RRAGD: variants seen among roughly 807,000 people sequenced by gnomAD.
The protein encoded by RRAGD is Ras related GTP binding D, also known as ras-related GTP-binding protein D.
RRAGD carries 12 observed loss-of-function variants against 35.5 expected under a neutral mutation model. The ratio of observed to expected loss-of-function variants is 0.34; its 90% confidence interval spans 0.22 to 0.55. The LOEUF is 0.55. Among genes scored for constraint, RRAGD ranks in the 20% least tolerant of loss-of-function variants. The pLI is 0.91. For missense variants in RRAGD, 324 were observed against 490.1 expected (o/e 0.66, Z 3.20); for synonymous variants, 155 against 178.9 (o/e 0.87, Z 1.07).
intron 1 of RRAGD, among the ~76,000 whole-genome samples, chr6:89,403,396 G>C (rs1404614545): frequency 6.6e-6 from 1 of 151,772 alleles, no homozygotes; most frequent in Non-Finnish European, 1.5e-5. Context: ...AGTGAGCAGA[G>C]ATCGCGCCAC....
Position 89,369,134 on chromosome 6 carries a change from G to A in RRAGD, c.1052-927C>T, listed in dbSNP as rs187569246. Among the ~76,000 whole-genome samples, 293 of 151,510 alleles carry A rather than the reference G, an allele frequency of 1.9e-3. 3 individuals are homozygous for A. Among genetic ancestry groups the A allele is most frequent in the African/African-American group, 7.0e-3 (288 of 41,430 alleles). ...CAACTAACTGCAAGGGGAGGGCGGG[G>A]AGGGCACCGTCTCGGTTTCCAGGAG... On this transcript the variant is annotated intron_variant, in intron 6 of 6. Coordinates refer to ENST00000369415, the MANE Select transcript of RRAGD (RefSeq NM_021244.5).
At chr6:89,395,863 A>G (rs1005394398) in intron 1 of RRAGD, among the ~76,000 whole-genome samples, 2 of 152,164 alleles carry the variant, frequency 1.3e-5, no homozygotes, top group African/African-American at 4.8e-5. Flanking sequence ...ATAAACCCAC[A>G]CTTACATAGA....
chr6:89,379,112 C>A, intron 4 of RRAGD, 112 bp downstream of exon 4: 1 of 560,152 alleles, frequency 1.8e-6, no homozygotes, highest in South Asian at 2.4e-5. Context: ...AAAAGTAATA[C>A]TTAAATGACC....
At chr6:89,395,498 C>G (rs961122414) in intron 1 of RRAGD, among the ~76,000 whole-genome samples, 1 of 152,224 alleles carries the variant, frequency 6.6e-6, no homozygotes, top group Non-Finnish European at 1.5e-5. Context: ...AAAGAGACAA[C>G]TGACATGCTG....
At position 89,411,995 on chromosome 6, in the gene RRAGD, G is replaced by T. The variant is rs1355813358; in HGVS notation, c.-2C>A. ...CGGCTTCCCCAGCACCTGGCTCATCGTGCCCACCGGCCGGCCGGCCCGGGG... is the reference window on the plus strand; with the variant it reads ...CGGCTTCCCCAGCACCTGGCTCATCTTGCCCACCGGCCGGCCGGCCCGGGG... On this transcript the variant is annotated 5_prime_UTR_variant, in exon 1 of 7. Coordinates refer to ENST00000369415, the MANE Select transcript of RRAGD (RefSeq NM_021244.5). The surrounding 1 kb of genome is among the most constrained non-coding windows in gnomAD (Gnocchi z 5.6). 2 of 1,527,504 alleles carry T rather than the reference G, an allele frequency of 1.3e-6. No individual in the cohort carries two copies. Among genetic ancestry groups the T allele is most frequent in the Admixed American group, 2.0e-5 (1 of 50,352 alleles). The allele number at this position is 1,527,504 out of a possible 1,614,324, so 94.6% of individuals were successfully genotyped here. A position where few individuals can be genotyped will look rare whatever the true frequency, so the allele number is the denominator to read the frequency against.
At position 89,368,154 on chromosome 6, in the gene RRAGD, C is replaced by G. The variant is rs149779312; in HGVS notation, c.1105G>C (p.Glu369Gln). 482 of 1,613,958 alleles carry G rather than the reference C, an allele frequency of 3.0e-4. No homozygotes were observed. The African/African-American group carries it at 5.9e-3, about 20-fold the overall frequency. Residue 369 changes from glutamate (E) to glutamine (Q), a missense_variant, in exon 7 of 7, where the codon GAG becomes CAG. Glu to Gln is a conservative substitution (Grantham distance 29). This residue lies in a region of RRAGD where 68 missense variants were observed against 76.8 expected (regional missense o/e 0.89). Transcript: ENST00000369415. ...CFRKAIHEVF[E>Q]VRMKVVKSRK... is the part of the protein sequence containing the mutation. ...GATTTTACTACTTTCATTCTCACCT[C>G]AAAAACTTCATGAATGGCCTTCCGG...
intron 1 of RRAGD, among the ~76,000 whole-genome samples, chr6:89,398,732 C>T (rs1769389378): frequency 6.6e-6 from 1 of 152,216 alleles, no homozygotes; most frequent in African/African-American, 2.4e-5. Context: ...CATGCTCCTT[C>T]AAGAATAGAT....
chr6:89,388,207 G>A (rs902755414), intron 1 of RRAGD, among the ~76,000 whole-genome samples: 1 of 152,156 alleles, frequency 6.6e-6, no homozygotes, highest in African/African-American at 2.4e-5. Flanking sequence ...CATCCAGTAA[G>A]GTAGCTACTA....
At chr6:89,377,592 G>A (rs1204879976) in intron 5 of RRAGD, 79 bp downstream of exon 5, 8 of 1,284,012 alleles carry the variant, frequency 6.2e-6, no homozygotes, top group Non-Finnish European at 8.3e-6. Context: ...AGTTAAGTAA[G>A]TAAATGTAAA....
chr6:89,384,975 G>C (rs1383678242), intron 2 of RRAGD, among the ~76,000 whole-genome samples: 1 of 151,968 alleles, frequency 6.6e-6, no homozygotes, highest in African/African-American at 2.4e-5. Flanking sequence ...GATCACTTGA[G>C]CCCAGGACTT....
At chr6:89,387,611 G>A (rs1769158710) in intron 1 of RRAGD, 21 bp from the exon 2 acceptor site, 1 of 1,596,432 alleles carries the variant, frequency 6.3e-7, no homozygotes, top group South Asian at 1.1e-5. Context: ...CACAAAATGA[G>A]AATGAAGGTG....
At chr6:89,380,775 C>T (rs1462019096) in intron 2 of RRAGD, among the ~76,000 whole-genome samples, 6 of 152,030 alleles carry the variant, frequency 3.9e-5, no homozygotes, top group Admixed American at 2.6e-4. Context: ...GGCGTGGTGG[C>T]ATGCGCCTGT....
At chr6:89,375,713 C>G (rs1478954210) in intron 5 of RRAGD, among the ~76,000 whole-genome samples, 1 of 152,204 alleles carries the variant, frequency 6.6e-6, no homozygotes, top group Non-Finnish European at 1.5e-5. Flanking sequence ...TGTTGCTGCT[C>G]CAGCAAACAA....
chr6:89,390,854 C>A (rs916476845), intron 1 of RRAGD, among the ~76,000 whole-genome samples: 3 of 151,954 alleles, frequency 2.0e-5, no homozygotes, highest in Admixed American at 1.3e-4. Context: ...ACTGAGATGG[C>A]GCCCCTGCAC....
intron 1 of RRAGD, among the ~76,000 whole-genome samples, chr6:89,403,951 C>A (rs1324794048): frequency 6.6e-6 from 1 of 152,164 alleles, no homozygotes; most frequent in African/African-American, 2.4e-5. Flanking sequence ...AGCCACTGAG[C>A]CTGGCAACTT....
chr6:89,388,002 C>CA (rs1244818892), intron 1 of RRAGD, among the ~76,000 whole-genome samples: 1 of 152,098 alleles, frequency 6.6e-6, no homozygotes, highest in Admixed American at 6.6e-5. Flanking sequence ...TCTGAGAAGC[C>CA]ATCACTAAAG....
chr6:89,375,561 T>C (rs1768921416), intron 5 of RRAGD, among the ~76,000 whole-genome samples: 1 of 152,220 alleles, frequency 6.6e-6, no homozygotes. Flanking sequence ...GGTCACCTGA[T>C]TCTAGGGCCT....
At chr6:89,401,548 G>A (rs948978103) in intron 1 of RRAGD, among the ~76,000 whole-genome samples, 1 of 151,958 alleles carries the variant, frequency 6.6e-6, no homozygotes, top group Non-Finnish European at 1.5e-5. Context: ...GAACCACCTC[G>A]CCCGGCCCCC....
chr6:89,376,314 T>C (rs1261051649), intron 5 of RRAGD, among the ~76,000 whole-genome samples: 42 of 150,966 alleles, frequency 2.8e-4, no homozygotes, highest in Admixed American at 2.4e-3. Context: ...TGTGTGTGTG[T>C]GTGTGTGTGT....
Sources: gnomAD v4.1 joint callset for allele counts (sites outside exome capture counted in the v4.1 genomes callset) on GRCh38, gnomAD v4.1.1 for gene constraint, gnomAD v4.1.1 regional missense constraint, Gnocchi (gnomAD v3.1) non-coding constraint, MANE v1.5 for transcripts, NCBI Gene and HGNC (gene_info 2026-07-23, HGNC 2026-07-21) for gene names.